Variants in TAOK2 observed in about 807,000 individuals in gnomAD.
TAOK2 encodes serine/threonine-protein kinase TAO2.
A neutral mutation model predicts 122.5 loss-of-function variants in TAOK2; 42 were observed. The ratio of observed to expected loss-of-function variants is 0.34; its 90% CI spans 0.27 to 0.44. The LOEUF (loss-of-function observed/expected upper bound fraction) is 0.44, where lower values mean the gene tolerates loss of function less well. TAOK2 is among the 20% of genes least tolerant of loss of function. TAOK2 has a pLI of 1.00. For synonymous variants in TAOK2, 704 were observed against 677.6 expected (o/e 1.04, Z -0.61); for missense variants, 1,264 against 1,644.9 (o/e 0.77, Z 4.01).
downstream of TAOK2, chr16:29,990,488 A>T: frequency 4.0e-6 from 1 of 247,762 alleles, no homozygotes; most frequent in Non-Finnish European, 7.6e-6. Flanking sequence ...AGAATTTTCC[A>T]TGGTATGGCT....
chr16:29,978,210 A>T (rs2069514171), intron 3 of TAOK2, 42 bp from the exon 4 acceptor site: 7 of 1,613,746 alleles, frequency 4.3e-6, no homozygotes, highest in Non-Finnish European at 5.9e-6. Context: ...CTCCTGTCTC[A>T]AGATGCAAGC....
chr16:29,989,123 T>C (rs963193978), downstream of TAOK2: 3 of 985,228 alleles, frequency 3.0e-6, no homozygotes, highest in African/African-American at 5.2e-5. Flanking sequence ...TTCATGGGTG[T>C]TTTGTGTGAC....
Position 29,985,960 on chromosome 16 carries a change from C to A in TAOK2, c.1992+99C>A. 2.1e-6 allele frequency: 3 copies of A among 1,407,454 alleles called. No homozygotes were observed. Among genetic ancestry groups the A allele is most frequent in the Non-Finnish European group, 2.9e-6 (3 of 1,029,630 alleles). The allele number at this position is 1,407,454 out of a possible 1,614,324, so 87.2% of individuals were successfully genotyped here. On this transcript the variant is annotated intron_variant, in intron 15 of 15. Coordinates refer to ENST00000308893, the MANE Select transcript of TAOK2 (RefSeq NM_016151.4). The surrounding 1 kb of genome is among the most constrained non-coding windows in gnomAD (Gnocchi z 6.9). The stretch of plus-strand genomic sequence containing the variant: ...ATTCTTGTCTTCTTTCTCCTTGGCC[C>A]TCGAGTGTTACAGTTCAGCTTTGCT...
chr16:29,990,946 C>T (rs554577894), downstream of TAOK2: 89 of 1,611,224 alleles, frequency 5.5e-5, no homozygotes, highest in Admixed American at 1.0e-4. Context: ...CGCGCTGCGG[C>T]GGGCACTGCT....
intron 13 of TAOK2, among the ~76,000 whole-genome samples, chr16:29,984,576 TCTTGACTGCCAGGGG>T (rs2069722148): frequency 6.6e-6 from 1 of 151,936 alleles, no homozygotes; most frequent in Admixed American, 6.6e-5. Context: ...TGCTGAGAGG[TCTTGACTGCCAGGGG>T]CTTGGCTGCC....
In TAOK2 at chr16:29,988,273, T is replaced by C; in HGVS notation, c.*293T>C. The C allele has an allele frequency of 6.8e-7, 1 of 1,471,214 alleles. No homozygotes were observed. The highest frequency in any genetic ancestry group is 9.0e-7 in the Non-Finnish European group (1 of 1,113,186). The allele number at this position is 1,471,214 out of a possible 1,614,324, so 91.1% of individuals were successfully genotyped here. ...GCCTGGGGCCAGGGGTGGTGGAGGG[T>C]GGGAAGAGTCATGTTTTTTTTCTCC... On this transcript the variant is annotated 3_prime_UTR_variant, in exon 16 of 16. Coordinates refer to ENST00000308893, the MANE Select transcript of TAOK2 (RefSeq NM_016151.4).
At chr16:29,980,678 A>C (rs2069585714) in intron 8 of TAOK2, 1 of 152,216 alleles carries the variant, frequency 6.6e-6, no homozygotes, top group East Asian at 1.9e-4. Flanking sequence ...CCAGGCCCAG[A>C]CAGTTGATGA....
chr16:29,982,651 C>T (rs186347282), intron 10 of TAOK2, 83 bp from the exon 11 acceptor site: 41 of 1,543,046 alleles, frequency 2.7e-5, no homozygotes, highest in Admixed American at 1.5e-4. Flanking sequence ...AGAAGAGTGC[C>T]TCAGGCCTGA....
downstream of TAOK2, chr16:29,990,811 G>C: frequency 6.2e-7 from 1 of 1,611,580 alleles, no homozygotes; most frequent in Non-Finnish European, 8.5e-7. Context: ...CCAGGAGGCA[G>C]AGTTCCAGGC....
Position 29,978,984 on chromosome 16 carries a change from A to G in TAOK2, c.363A>G (p.Lys121=). 1 of 1,613,908 alleles carries G rather than the reference A, an allele frequency of 6.2e-7. No homozygotes were observed. Among genetic ancestry groups the G allele is most frequent in the Non-Finnish European group, 8.5e-7 (1 of 1,179,984 alleles). ...SASDLLEVHK[K]PLQEVEIAAV... ...TTCCTCACTCTCCAGTGCACAAGAA[A>G]CCCCTTCAGGAGGTAGAGATCGCAG... The change falls in exon 6 of 16, where the codon AAA becomes AAG. Residue 121 remains lysine, a synonymous_variant. Transcript: ENST00000308893.
In TAOK2 at chr16:29,985,593, C is replaced by A; in HGVS notation, c.1788+15C>A. On this transcript the variant is annotated intron_variant, in intron 14 of 15. Coordinates refer to ENST00000308893, the MANE Select transcript of TAOK2 (RefSeq NM_016151.4). This position sits in a 1 kb window ranked among gnomAD's most constrained non-coding sequence, Gnocchi z 6.9. The stretch of plus-strand genomic sequence containing the variant: ...AGCTGAAGGAGGTGAGCTAGGGCTG[C>A]TTGGGGGCGGAGCCGATGGCGAGCC... 6.2e-7 allele frequency: 1 copy of A among 1,602,502 alleles called. No homozygotes were observed. Among genetic ancestry groups the A allele is most frequent in the Non-Finnish European group, 8.5e-7 (1 of 1,172,174 alleles).
chr16:29,991,896 T>G, downstream of TAOK2: 1 of 235,388 alleles, frequency 4.2e-6, no homozygotes, highest in Non-Finnish European at 8.2e-6. This position sits in a 1 kb window ranked among gnomAD's most constrained non-coding sequence, Gnocchi z 5.6. Flanking sequence ...CTAGACATAC[T>G]ATATTCAGAG....
At chr16:29,981,599 C>T (rs2069617845) in intron 8 of TAOK2, 62 bp from the exon 9 acceptor site, 1 of 1,513,494 alleles carries the variant, frequency 6.6e-7, no homozygotes, top group South Asian at 1.1e-5. Context: ...GTCTCAGTTC[C>T]ATTCCATTGT....
chr16:29,976,697 C>T (rs2069465956), intron 1 of TAOK2, among the ~76,000 whole-genome samples: 1 of 152,170 alleles, frequency 6.6e-6, no homozygotes, highest in African/African-American at 2.4e-5. Flanking sequence ...GGACAGGCTT[C>T]CTGCAAGAGG....
At chr16:29,981,797 T>C (rs771473726) in intron 9 of TAOK2, 43 bp downstream of exon 9, 30 of 1,611,456 alleles carry the variant, frequency 1.9e-5, no homozygotes, top group Non-Finnish European at 2.5e-5. Context: ...CGTTAGGCCA[T>C]GGGGTATGGA....
Position 29,985,079 on chromosome 16 carries a change from G to A in TAOK2, c.1423-134G>A, listed in dbSNP as rs995108585. On this transcript the variant is annotated intron_variant, in intron 13 of 15. Transcript: ENST00000308893. The surrounding 1 kb of genome is among the most constrained non-coding windows in gnomAD (Gnocchi z 6.9). ...GTTGAGGAAACAGGCTAGAGTGGCC[G>A]TGTGTGAGGAAGGTGTTAAATGAGA... The A allele has an allele frequency of 2.6e-6, 3 of 1,154,054 alleles. No individual in the cohort carries two copies. The highest frequency in any genetic ancestry group is 2.7e-5 in the East Asian group (1 of 37,628). The allele number at this position is 1,154,054 out of a possible 1,614,324, so 71.5% of individuals were successfully genotyped here.
rs759145999 is a variant in TAOK2, at chr16:29,986,669, A to G, written c.2397A>G (p.Arg799=). The change falls in exon 16 of 16, where the codon AGA becomes AGG. Residue 799 remains arginine, a synonymous_variant. Coordinates refer to ENST00000308893, the MANE Select transcript of TAOK2 (RefSeq NM_016151.4). This position sits in a 1 kb window ranked among gnomAD's most constrained non-coding sequence, Gnocchi z 4.2. ...AGGAGGAGGAAGCAGTTGGAGAGAG[A>G]AGGATTCTGGGAAAGGAAGGGGCCA... ...LGEEEEAVGE[R]RILGKEGATL... 4 of 1,612,850 alleles carry G rather than the reference A, an allele frequency of 2.5e-6. No homozygotes were observed. The highest frequency in any genetic ancestry group is 3.3e-5 in the Admixed American group (2 of 59,704).
intron 13 of TAOK2, chr16:29,984,976 T>C (rs1432711496): frequency 2.6e-6 from 1 of 390,030 alleles, no homozygotes; most frequent in Non-Finnish European, 4.4e-6. Context: ...TTCCTACTTT[T>C]GTGCCAGGCC....
intron 8 of TAOK2, chr16:29,981,310 T>G: frequency 1.8e-6 from 1 of 551,480 alleles, no homozygotes; most frequent in Non-Finnish European, 3.2e-6. Context: ...TGGGGCCTAA[T>G]TCTTGTTTTT....
Sources: gnomAD v4.1 joint callset for allele counts (sites outside exome capture counted in the v4.1 genomes callset) on GRCh38, gnomAD v4.1.1 for gene constraint, Gnocchi (gnomAD v3.1) non-coding constraint, MANE v1.5 for transcripts, NCBI Gene and HGNC (gene_info 2026-07-23, HGNC 2026-07-21) for gene names.